Variants in PLXNA1 observed in about 807,000 individuals in gnomAD.
PLXNA1 encodes plexin A1, also known as plexin-A1.
In PLXNA1, 77 loss-of-function variants were observed where a neutral mutation model predicts 191.7. The observed-to-expected ratio is 0.40, with a 90% CI of 0.33 to 0.49. The LOEUF (loss-of-function observed/expected upper bound fraction) is 0.49. Ranked by LOEUF, PLXNA1 falls within the 20% of genes least tolerant of loss-of-function variation. The pLI, the probability that PLXNA1 is intolerant of heterozygous loss-of-function variation, is 0.63. For synonymous variants in PLXNA1, 1,137 were observed against 1,156.4 expected (o/e 0.98, Z 0.34); for missense variants, 2,110 against 2,660.2 (o/e 0.79, Z 4.55).
chr3:127,006,035 C>T, intron 7 of PLXNA1, 44 bp from the exon 8 acceptor site: 1 of 1,492,252 alleles, frequency 6.7e-7, no homozygotes, highest in Non-Finnish European at 9.3e-7. Flanking sequence ...GTGTGGGAGT[C>T]CTGGGCAAGC....
At chr3:126,984,031 A>T (rs1046742476) in intron 1 of PLXNA1, among the ~76,000 whole-genome samples, 4 of 152,098 alleles carry the variant, frequency 2.6e-5, no homozygotes, top group African/African-American at 9.7e-5. Flanking sequence ...GGGCCTCTCC[A>T]GGGTCAGCCG....
intron 29 of PLXNA1, 130 bp downstream of exon 29, chr3:127,030,542 G>C: frequency 8.9e-7 from 1 of 1,128,536 alleles, no homozygotes; most frequent in East Asian, 2.4e-5. Flanking sequence ...CCCAGCAGGG[G>C]CATGGCGGGC....
At chr3:126,985,547 C>T (rs1312989026) in intron 1 of PLXNA1, among the ~76,000 whole-genome samples, 1 of 152,028 alleles carries the variant, frequency 6.6e-6, no homozygotes, top group African/African-American at 2.4e-5. Flanking sequence ...CCCAGGCTAC[C>T]TGGTCCTCTC....
intron 3 of PLXNA1, among the ~76,000 whole-genome samples, chr3:126,995,822 C>T (rs750255186): frequency 6.6e-6 from 1 of 152,214 alleles, no homozygotes; most frequent in South Asian, 2.1e-4. Flanking sequence ...TCCTCTGGGG[C>T]CTTGGTTTCC....
At chr3:126,992,998 T>C (rs997232597) in intron 3 of PLXNA1, among the ~76,000 whole-genome samples, 40 of 152,236 alleles carry the variant, frequency 2.6e-4, no homozygotes, top group Middle Eastern at 3.4e-3. Context: ...AGAGACATTT[T>C]GTGGGGCGCC....
intron 3 of PLXNA1, among the ~76,000 whole-genome samples, chr3:127,000,924 T>C (rs2079037107): frequency 1.3e-5 from 2 of 152,102 alleles, no homozygotes; most frequent in Admixed American, 1.3e-4. Context: ...TGCCATGGCC[T>C]CTCCTGGGGC....
chr3:127,017,377 G>A (rs761009279), intron 17 of PLXNA1, 48 bp from the exon 18 acceptor site: 49 of 1,587,982 alleles, frequency 3.1e-5, no homozygotes, highest in Middle Eastern at 2.2e-4. Context: ...GGGAGCTGCC[G>A]GGCCACTCGC....
chr3:127,023,980 G>A (rs1455944044), intron 23 of PLXNA1, among the ~76,000 whole-genome samples: 3 of 152,146 alleles, frequency 2.0e-5, no homozygotes, highest in Non-Finnish European at 4.4e-5. Flanking sequence ...AGCAGTCCCT[G>A]GCACCTAGTA....
Position 127,030,358 on chromosome 3 carries a change from C to G in PLXNA1, c.5177C>G (p.Ala1726Gly), listed in dbSNP as rs1241333627. 2 of 1,614,042 alleles carry G rather than the reference C, an allele frequency of 1.2e-6. No homozygotes were observed. Among genetic ancestry groups the G allele is most frequent in the Non-Finnish European group, 1.7e-6 (2 of 1,180,020 alleles). Residue 1726 changes from alanine to glycine, a missense_variant, in exon 29 of 32, where the codon GCC becomes GGC. Physicochemically the swap from Ala to Gly is moderately conservative, Grantham distance 60 (BLOSUM62 0). Transcript: ENST00000393409. ...KYMFDFLDEQADKHQIHDADV... is the reference protein window; with the variant it reads ...KYMFDFLDEQGDKHQIHDADV... ...ATGTTCGACTTCCTGGATGAGCAGGCCGACAAGCACCAGATCCACGATGCT... is the reference window on the plus strand; with the variant it reads ...ATGTTCGACTTCCTGGATGAGCAGGGCGACAAGCACCAGATCCACGATGCT...
intron 3 of PLXNA1, 79 bp from the exon 4 acceptor site, chr3:127,003,250 AC>A: frequency 6.9e-7 from 1 of 1,447,666 alleles, no homozygotes; most frequent in East Asian, 2.4e-5. Flanking sequence ...GGGGCTTTAG[AC>A]CCCTGACCTT....
chr3:127,009,010 A>C (rs1246425184), intron 9 of PLXNA1, among the ~76,000 whole-genome samples: 1 of 152,130 alleles, frequency 6.6e-6, no homozygotes, highest in Non-Finnish European at 1.5e-5. Flanking sequence ...CTGAAGAGCC[A>C]GGCCAAGGTG....
At position 127,017,575 on chromosome 3, in the gene PLXNA1, T is replaced by G; in HGVS notation, c.3427T>G (p.Ser1143Ala). ...CTCCCTGCTTGTGCTCAACTCCACC[T>G]CCTTCCTCTACTACCCTGACCCCGT... ...VRSLLVLNSTSFLYYPDPVLE... is the reference protein window; with the variant it reads ...VRSLLVLNSTAFLYYPDPVLE... Residue 1143 changes from serine to alanine, a missense_variant, in exon 18 of 32, where the codon TCC becomes GCC. Physicochemically the swap from Ser to Ala is moderately conservative, Grantham distance 99. Coordinates refer to ENST00000393409, the MANE Select transcript of PLXNA1 (RefSeq NM_032242.4). 1 of 1,613,652 alleles carries G rather than the reference T, an allele frequency of 6.2e-7. No homozygotes were observed.
rs760293382 is a variant in PLXNA1, at chr3:126,988,854, C to T, written c.261C>T (p.Gly87=). 1.2e-6 allele frequency: 2 copies of T among 1,613,438 alleles called. No homozygotes were observed. The highest frequency in any genetic ancestry group is 3.3e-5 in the Admixed American group (2 of 60,030). Residue 87 remains glycine, a synonymous_variant, in exon 2 of 32, where the codon GGC becomes GGT. Coordinates refer to ENST00000393409, the MANE Select transcript of PLXNA1 (RefSeq NM_032242.4). ...NLTLLRAHVT[G]PVEDNEKCYP... is the part of the protein sequence containing the mutation. ...CACTGCTGCGGGCCCACGTCACGGG[C>T]CCTGTGGAGGACAACGAGAAGTGCT...
chr3:127,029,951 G>A lies in PLXNA1; in HGVS notation c.4948G>A (p.Gly1650Ser), dbSNP rs1411895465. The A allele has an allele frequency of 7.4e-6, 12 of 1,613,572 alleles. No individual in the cohort carries two copies. The highest frequency in any genetic ancestry group is 1.7e-5 in the Admixed American group (1 of 60,004). ...CATGATCACGCCCGACCTGGAGAGCGGCACCAAGCTGTGGCACCTGGTGAA... is the reference window on the plus strand; with the variant it reads ...CATGATCACGCCCGACCTGGAGAGCAGCACCAAGCTGTGGCACCTGGTGAA... ...TPMITPDLESGTKLWHLVKNH... is the reference protein window; with the variant it reads ...TPMITPDLESSTKLWHLVKNH... The change falls in exon 28 of 32, where the codon GGC becomes AGC. Residue 1650 changes from glycine (G) to serine (S), a missense_variant. Around this residue, in one of 4 missense-constraint regions of PLXNA1, gnomAD observed 559 missense variants for 911.5 expected, o/e 0.61. Transcript: ENST00000393409.
rs1406951028 is a variant in PLXNA1 at position 126,983,297 on chromosome 3, G to C, written c.-74+10G>C. Among the ~76,000 whole-genome samples the C allele has an allele frequency of 6.9e-6, 1 of 144,494 alleles. No individual in the cohort carries two copies. Among genetic ancestry groups the C allele is most frequent in the Non-Finnish European group, 1.5e-5 (1 of 65,062 alleles). The allele number at this position is 144,494 out of a possible 152,430, so 94.8% of individuals were successfully genotyped here. A position where few individuals can be genotyped will look rare whatever the true frequency, so the allele number is the denominator to read the frequency against. ...CGCCCCGGGGCGGCGGGTGAGTCGGGGCGCAACTTTCCCCGCGGCGCGGGA... is the reference window on the plus strand; with the variant it reads ...CGCCCCGGGGCGGCGGGTGAGTCGGCGCGCAACTTTCCCCGCGGCGCGGGA... On this transcript the variant is annotated intron_variant, in intron 1 of 31. Transcript: ENST00000393409.
chr3:126,991,587 G>A, intron 3 of PLXNA1, 21 bp downstream of exon 3: 1 of 1,542,078 alleles, frequency 6.5e-7, no homozygotes, highest in Middle Eastern at 2.3e-4. Flanking sequence ...GGTGGGGTGG[G>A]GTGAGGAGGG....
At chr3:127,010,427 G>A (rs990295417) in intron 9 of PLXNA1, among the ~76,000 whole-genome samples, 3 of 152,206 alleles carry the variant, frequency 2.0e-5, no homozygotes, top group Non-Finnish European at 4.4e-5. Flanking sequence ...GGCCGCATGG[G>A]TGCCGAGCTT....
In PLXNA1 at chr3:127,014,359, AC is replaced by A; in HGVS notation, c.2592del (p.Lys865ArgfsTer95). 6.3e-7 allele frequency: 1 copy of A among 1,592,844 alleles called. No individual in the cohort carries two copies. Among genetic ancestry groups the A allele is most frequent in the Non-Finnish European group, 8.5e-7 (1 of 1,176,140 alleles). ...CGTCACGGCAGCAGTCGCTGCACCG[AC>A]CCCAAGATCCTCAAGGTAGGGCCCC... ...HARHGSSRCT[D>X]PKILKLSPET... On this transcript the variant is annotated frameshift_variant, in exon 12 of 32. Coordinates refer to ENST00000393409, the MANE Select transcript of PLXNA1 (RefSeq NM_032242.4). LOFTEE classifies it high-confidence loss of function.
At chr3:126,992,740 T>G (rs773772323) in intron 3 of PLXNA1, among the ~76,000 whole-genome samples, 7 of 152,134 alleles carry the variant, frequency 4.6e-5, no homozygotes, top group Non-Finnish European at 1.0e-4. Context: ...ATAGTGGCTA[T>G]GAGGCTGAAG....
Sources: allele counts gnomAD v4.1 joint callset (sites outside exome capture counted in the v4.1 genomes callset), GRCh38; gene constraint gnomAD v4.1.1; regional missense constraint gnomAD v4.1.1; transcripts MANE v1.5; gene names NCBI Gene and HGNC (gene_info 2026-07-23, HGNC 2026-07-21).